Variants in AGO3 observed in about 807,000 individuals in gnomAD.
AGO3 encodes the protein argonaute RISC catalytic component 3.
In AGO3, 16 loss-of-function variants were observed where a neutral mutation model predicts 105.5. That is an observed-to-expected ratio of 0.15 (90% CI 0.10 to 0.23). AGO3 has a LOEUF of 0.23. AGO3 is among the 10% of genes least tolerant of loss of function. The pLI, the probability that AGO3 is intolerant of heterozygous loss-of-function variation, is 1.00. For missense variants in AGO3, 534 were observed against 1,088.0 expected (o/e 0.49, Z 7.16); for synonymous variants, 340 against 367.3 (o/e 0.93, Z 0.85).
chr1:36,004,643 G>A (rs924024739), intron 6 of AGO3, among the ~76,000 whole-genome samples, 168 bp downstream of exon 6: 1 of 151,964 alleles, frequency 6.6e-6, no homozygotes, highest in Non-Finnish European at 1.5e-5. Flanking sequence ...TAACATCTTA[G>A]GTGGTATTTG....
At chr1:35,956,946 G>C (rs1459768973) in intron 2 of AGO3, among the ~76,000 whole-genome samples, 1 of 151,952 alleles carries the variant, frequency 6.6e-6, no homozygotes, top group Non-Finnish European at 1.5e-5. Flanking sequence ...ACTGCACCTG[G>C]CCTTAAGGAT....
chr1:36,038,848 T>C (rs1436769227), intron 14 of AGO3, among the ~76,000 whole-genome samples: 1 of 152,194 alleles, frequency 6.6e-6, no homozygotes, highest in East Asian at 1.9e-4. Flanking sequence ...ACTGTATAGA[T>C]TCAGGCCAAG....
intron 1 of AGO3, 132 bp downstream of exon 1, chr1:35,931,577 G>A: frequency 2.0e-6 from 2 of 1,024,150 alleles, no homozygotes; most frequent in Non-Finnish European, 2.6e-6. Context: ...CCCGCCCCTC[G>A]CCCTGCTCCT....
chr1:36,064,827 A>G lies in AGO3; in HGVS notation c.*9082A>G, dbSNP rs1386457520. ...AGTACTAATTGTATACAGATAGTAC[A>G]GATTTGTACTCTGATTATAAGAATT... On this transcript the variant is annotated 3_prime_UTR_variant, in exon 19 of 19. Coordinates refer to ENST00000373191, the MANE Select transcript of AGO3 (RefSeq NM_024852.4). 1 of 152,226 alleles carries G rather than the reference A, an allele frequency of 6.6e-6. No individual in the cohort carries two copies. Among genetic ancestry groups the G allele is most frequent in the Non-Finnish European group, 1.5e-5 (1 of 68,046 alleles). The allele number at this position is 152,226 out of a possible 1,614,324, so 9.4% of individuals were successfully genotyped here. A position where few individuals can be genotyped will look rare whatever the true frequency, so the allele number is the denominator to read the frequency against.
At chr1:36,045,739 C>T (rs1206362308) in intron 17 of AGO3, among the ~76,000 whole-genome samples, 1 of 152,064 alleles carries the variant, frequency 6.6e-6, no homozygotes, top group East Asian at 1.9e-4. Context: ...GATGAGGTTT[C>T]ACCATGTTGG....
Position 35,960,067 on chromosome 1 carries a change from G to A in AGO3, c.192-6888G>A, listed in dbSNP as rs1280499485. ...CTAAAAACTCATGCCTTCTTATTTC[G>A]GTACTTATATTATCATATATTTTAA... On this transcript the variant is annotated intron_variant, in intron 2 of 18. Transcript: ENST00000373191. 4.6e-5 allele frequency among the ~76,000 whole-genome samples: 7 copies of A among 151,598 alleles called. No homozygotes were observed. In the East Asian group the frequency reaches 1.2e-3, roughly 25 times the overall value.
chr1:36,023,326 G>A (rs1011437417), intron 11 of AGO3, among the ~76,000 whole-genome samples: 3 of 152,312 alleles, frequency 2.0e-5, no homozygotes, highest in Middle Eastern at 6.8e-3. Flanking sequence ...TGCTTCTGGG[G>A]ATTGCTAGAG....
At chr1:36,040,012 A>G (rs374951482) in intron 15 of AGO3, 28 bp downstream of exon 15, 9 of 1,577,870 alleles carry the variant, frequency 5.7e-6, no homozygotes, top group Admixed American at 1.8e-5. Flanking sequence ...TCATCAGACT[A>G]TGGTGAAATC....
In AGO3 at chr1:36,055,721, C is replaced by G; in HGVS notation, c.2559C>G (p.Thr853=). 1 of 1,614,176 alleles carries G rather than the reference C, an allele frequency of 6.2e-7. No individual in the cohort carries two copies. ...LAKAVQIHQD[T]LRTMYFA ...AGGCTGTACAGATTCACCAAGATAC[C>G]TTACGCACAATGTACTTCGCTTAAA... The change falls in exon 19 of 19, where the codon ACC becomes ACG. Residue 853 remains threonine (T), a synonymous_variant. Coordinates refer to ENST00000373191, the MANE Select transcript of AGO3 (RefSeq NM_024852.4). This position sits in a 1 kb window ranked among gnomAD's most constrained non-coding sequence, Gnocchi z 4.4.
rs1557685469 is a variant in AGO3 at position 36,013,704 on chromosome 1, T to C, written c.1224T>C (p.His408=). 3 of 1,614,202 alleles carry C rather than the reference T, an allele frequency of 1.9e-6. No individual in the cohort carries two copies. Among genetic ancestry groups the C allele is most frequent in the East Asian group, 2.2e-5 (1 of 44,884 alleles). ...TTAAAGTTCGGGATGAAATGGCTCA[T>C]GTAACTGGACGCGTACTTCCAGCAC... is the stretch of plus-strand genomic sequence containing the variant. ...FQFKVRDEMA[H]VTGRVLPAPM... The change falls in exon 10 of 19, where the codon CAT becomes CAC. Residue 408 remains histidine, a synonymous_variant. Transcript: ENST00000373191.
At chr1:36,038,457 G>C (rs1390735479) in intron 14 of AGO3, among the ~76,000 whole-genome samples, 1 of 151,936 alleles carries the variant, frequency 6.6e-6, no homozygotes, top group Non-Finnish European at 1.5e-5. Context: ...GGGTTTCACT[G>C]TGTTAGCCAG....
Position 36,013,323 on chromosome 1 carries a change from G to C in AGO3, c.1150-307G>C, listed in dbSNP as rs143555315. The C allele has an allele frequency of 3.7e-3, 772 of 206,098 alleles. 5 individuals are homozygous for C. Among genetic ancestry groups the C allele is most frequent in the Admixed American group, 6.1e-3 (115 of 18,772 alleles). The allele number at this position is 206,098 out of a possible 1,614,324, so 12.8% of individuals were successfully genotyped here. On this transcript the variant is annotated intron_variant, in intron 9 of 18. Transcript: ENST00000373191. ...GCTTCTGGGCTTGAGCAATCCTCCA[G>C]CTTGGCCTCCCAAAATGCTGAGATC...
Position 36,054,994 on chromosome 1 carries a change from T to C in AGO3, c.2323T>C (p.Phe775Leu), listed in dbSNP as rs1007206262. 1 of 1,614,226 alleles carries C rather than the reference T, an allele frequency of 6.2e-7. No homozygotes were observed. The highest frequency in any genetic ancestry group is 8.5e-7 in the Non-Finnish European group (1 of 1,180,048). ...TCATGTTTTATGGGATGATAACTGC[T>C]TTACTGCAGATGAACTTCAGCTGCT... ...HYHVLWDDNC[F>L]TADELQLLTY... is the part of the protein sequence containing the mutation. The change falls in exon 18 of 19, where the codon TTT becomes CTT. Residue 775 changes from phenylalanine (F) to leucine (L), a missense_variant. Physicochemically the swap from Phe to Leu is conservative, Grantham distance 22 (BLOSUM62 0). Coordinates refer to ENST00000373191, the MANE Select transcript of AGO3 (RefSeq NM_024852.4).
At chr1:35,979,780 C>T (rs1284814950) in intron 5 of AGO3, among the ~76,000 whole-genome samples, 1 of 152,072 alleles carries the variant, frequency 6.6e-6, no homozygotes, top group Admixed American at 6.5e-5. Context: ...AAAAAGATTG[C>T]ACTTCATGCT....
At chr1:35,961,969 T>C (rs1646684604) in intron 2 of AGO3, among the ~76,000 whole-genome samples, 1 of 152,200 alleles carries the variant, frequency 6.6e-6, no homozygotes, top group African/African-American at 2.4e-5. Context: ...TTACCCTTAT[T>C]ATGTTTCTTC....
At chr1:35,964,649 G>C (rs929856613) in intron 2 of AGO3, among the ~76,000 whole-genome samples, 1 of 152,088 alleles carries the variant, frequency 6.6e-6, no homozygotes, top group Admixed American at 6.6e-5. Flanking sequence ...CCTAGTAATG[G>C]GATTGCTGGG....
intron 13 of AGO3, among the ~76,000 whole-genome samples, chr1:36,035,761 G>A (rs933448705): frequency 7.2e-5 from 11 of 152,160 alleles, no homozygotes; most frequent in South Asian, 2.1e-4. Context: ...GGCCGGGTGC[G>A]GTGGCTCACG....
intron 2 of AGO3, among the ~76,000 whole-genome samples, chr1:35,956,304 G>A (rs1646564131): frequency 6.6e-6 from 1 of 152,136 alleles, no homozygotes; most frequent in South Asian, 2.1e-4. Context: ...AGATTCTGAA[G>A]GGACCAGGTT....
chr1:35,994,278 G>A (rs990284601), intron 5 of AGO3, among the ~76,000 whole-genome samples: 2 of 151,532 alleles, frequency 1.3e-5, no homozygotes, highest in Non-Finnish European at 2.9e-5. Context: ...TGGTAAACCT[G>A]GTACTAACCC....
Sources: gnomAD v4.1 joint callset for allele counts (sites outside exome capture counted in the v4.1 genomes callset) on GRCh38, gnomAD v4.1.1 for gene constraint, Gnocchi (gnomAD v3.1) non-coding constraint, MANE v1.5 for transcripts, NCBI Gene and HGNC (gene_info 2026-07-23, HGNC 2026-07-21) for gene names.